PTPRS: variants seen among roughly 807,000 people sequenced by gnomAD.
The protein encoded by PTPRS is protein tyrosine phosphatase receptor type S.
Under a neutral mutation model 215.3 loss-of-function variants are expected in PTPRS, and 63 were observed. That is an observed-to-expected ratio of 0.29 (90% confidence interval 0.24 to 0.36). PTPRS has a LOEUF of 0.36. PTPRS is among the 10% of genes least tolerant of loss of function. The probability of loss-of-function intolerance (pLI) is 1.00; values close to 1 mark genes in which losing one functional copy is unlikely to be tolerated. For missense variants in PTPRS, 2,258 were observed against 2,825.8 expected (o/e 0.80, Z 4.56); for synonymous variants, 1,404 against 1,191.4 (o/e 1.18, Z -3.68).
chr19:5,236,251 C>A (rs1032379554), intron 13 of PTPRS, among the ~76,000 whole-genome samples: 2 of 152,126 alleles, frequency 1.3e-5, no homozygotes, highest in Non-Finnish European at 2.9e-5. Flanking sequence ...GAAGTGCAGC[C>A]CATTTTACAG....
chr19:5,299,957 T>C (rs985461248), intron 1 of PTPRS, among the ~76,000 whole-genome samples: 1 of 150,976 alleles, frequency 6.6e-6, no homozygotes, highest in Non-Finnish European at 1.5e-5. Flanking sequence ...AAAAATTAAA[T>C]AGGCCGGGTG....
At chr19:5,260,723 GGGGCAGGCCCTGTGGAGCCTGA>G in intron 7 of PTPRS, 60 bp downstream of exon 7, 1 of 1,528,836 alleles carries the variant, frequency 6.5e-7, no homozygotes, top group Non-Finnish European at 9.1e-7. Context: ...AGGGGGCCTG[GGGGCAGGCCCTGTGGAGCCTGA>G]GGGGCTGAGT....
intron 4 of PTPRS, among the ~76,000 whole-genome samples, chr19:5,272,274 C>A (rs370269442): frequency 6.6e-6 from 1 of 152,052 alleles, no homozygotes; most frequent in Non-Finnish European, 1.5e-5. Flanking sequence ...ACTCAGACAG[C>A]CCCCTATAAA....
chr19:5,206,909 C>T, intron 37 of PTPRS, 67 bp from the exon 38 acceptor site: 3 of 1,482,042 alleles, frequency 2.0e-6, no homozygotes, highest in Non-Finnish European at 2.8e-6. Flanking sequence ...TCCCTATCGC[C>T]CTCAGGAGCA....
intron 13 of PTPRS, among the ~76,000 whole-genome samples, chr19:5,236,863 A>AAC (rs1555768322): frequency 2.0e-5 from 3 of 150,392 alleles, no homozygotes; most frequent in South Asian, 2.1e-4. Context: ...AAAAAAAAAA[A>AAC]AACAACAATC....
intron 1 of PTPRS, among the ~76,000 whole-genome samples, chr19:5,298,838 T>G (rs1185888316): frequency 6.6e-6 from 1 of 152,172 alleles, no homozygotes; most frequent in Non-Finnish European, 1.5e-5. Flanking sequence ...CTCCCATGTC[T>G]TCCCCAACTC....
intron 20 of PTPRS, among the ~76,000 whole-genome samples, chr19:5,220,644 T>C (rs1034272435): frequency 2.0e-5 from 3 of 152,180 alleles, no homozygotes; most frequent in South Asian, 4.1e-4. Flanking sequence ...TTGTAGCCCT[T>C]AAATCTTCTC....
chr19:5,229,638 G>A lies in PTPRS; in HGVS notation c.2202C>T (p.Ala734=), dbSNP rs2042845154. ...AGCGCCACAGCACGCGGATGGCCGT[G>A]GCGTTGAGCGCCTCCGCCTCCACCT... is the stretch of plus-strand genomic sequence containing the variant. ...PRKVEAEALN[A]TAIRVLWRSP... is the part of the protein sequence containing the mutation. Residue 734 remains alanine (A), a synonymous_variant, in exon 15 of 38, where the codon GCC becomes GCT. Transcript: ENST00000262963. 3.0e-6 allele frequency: 4 copies of A among 1,342,122 alleles called. No individual in the cohort carries two copies. The highest frequency in any genetic ancestry group is 3.8e-6 in the Non-Finnish European group (4 of 1,052,338). The allele number at this position is 1,342,122 out of a possible 1,614,324, so 83.1% of individuals were successfully genotyped here.
intron 7 of PTPRS, among the ~76,000 whole-genome samples, chr19:5,260,468 C>CCG (rs1389564465): frequency 1.3e-5 from 2 of 152,214 alleles, no homozygotes; most frequent in Non-Finnish European, 2.9e-5. Context: ...GCGTGAACCA[C>CCG]CGCGCCCGGC....
At chr19:5,302,371 A>G (rs1047683202) in intron 1 of PTPRS, among the ~76,000 whole-genome samples, 22 of 152,100 alleles carry the variant, frequency 1.4e-4, no homozygotes, top group African/African-American at 5.1e-4. Flanking sequence ...TCTAGAAACA[A>G]CAACTTTCAT....
chr19:5,214,321 T>C, intron 30 of PTPRS, 40 bp downstream of exon 30: 1 of 1,613,356 alleles, frequency 6.2e-7, no homozygotes, highest in Middle Eastern at 1.7e-4. Flanking sequence ...TTCCAACACA[T>C]TCCTCCACCC....
Position 5,318,087 on chromosome 19 carries a change from C to T in PTPRS, c.-95+22577G>A, listed in dbSNP as rs375484341. ...TCAGGAGGCTGAGGCAGGAGAGTGA[C>T]GTGAACCTAGGAGGTGGAGGTTGCA... On this transcript the variant is annotated intron_variant, in intron 1 of 37. Transcript: ENST00000262963. 1.3e-3 allele frequency among the ~76,000 whole-genome samples: 198 copies of T among 151,930 alleles called. 3 individuals carry two copies. Among genetic ancestry groups the T allele is most frequent in the South Asian group, 4.2e-4 (2 of 4,814 alleles).
Position 5,231,314 on chromosome 19 carries a change from C to T in PTPRS, c.2151G>A (p.Glu717=). 5 of 1,605,002 alleles carry T rather than the reference C, an allele frequency of 3.1e-6. No homozygotes were observed. Among genetic ancestry groups the T allele is most frequent in the Non-Finnish European group, 4.2e-6 (5 of 1,178,306 alleles). ...ESSPVVVRTD[E]DVPSAPPRKV... ...GGGCCTGGGGCAGGTACTTACCATC[C>T]TCGTCGGTGCGGACGACCACGGGCG... The change falls in exon 14 of 38, where the codon GAG becomes GAA. Residue 717 remains glutamate, a synonymous_variant. Coordinates refer to ENST00000262963, the MANE Select transcript of PTPRS (RefSeq NM_002850.4).
chr19:5,301,827 C>T (rs2049313525), intron 1 of PTPRS, among the ~76,000 whole-genome samples: 1 of 152,162 alleles, frequency 6.6e-6, no homozygotes, highest in African/African-American at 2.4e-5. Context: ...GTCGCTCAGG[C>T]TGGAGTGTAG....
intron 26 of PTPRS, 78 bp from the exon 27 acceptor site, chr19:5,215,673 CGTGT>C: frequency 9.8e-7 from 1 of 1,023,954 alleles, no homozygotes; most frequent in Non-Finnish European, 1.4e-6. Flanking sequence ...GGGTGATCTA[CGTGT>C]GAGTCTGCGA....
At chr19:5,249,931 T>A (rs925179471) in intron 9 of PTPRS, among the ~76,000 whole-genome samples, 1 of 152,220 alleles carries the variant, frequency 6.6e-6, no homozygotes, top group Non-Finnish European at 1.5e-5. Context: ...TATCTCTCCA[T>A]AGGGATGTCA....
intron 1 of PTPRS, among the ~76,000 whole-genome samples, chr19:5,328,891 G>A (rs774476750): frequency 2.0e-5 from 3 of 152,150 alleles, no homozygotes; most frequent in Non-Finnish European, 4.4e-5. Context: ...AGGACCAGGG[G>A]GCTCTTGCTG....
rs1296988917 is a variant in PTPRS at position 5,223,102 on chromosome 19, T to C, written c.2690A>G (p.Lys897Arg). 2.6e-6 allele frequency: 4 copies of C among 1,565,692 alleles called. No individual in the cohort carries two copies. In the African/African-American group the frequency reaches 4.1e-5, roughly 16 times the overall value. Residue 897 changes from lysine to arginine, a missense_variant, in exon 18 of 38, where the codon AAG becomes AGG. By Grantham distance (26) the Lys-to-Arg change is conservative (BLOSUM62 2). Transcript: ENST00000262963. ...EDRYTASGVH[K>R]GATYVFRLAA... is the part of the protein sequence containing the mutation. ...AAGCCGGAACACATACGTGGCCCCC[T>C]TGTGCACGCCTGATGCCGTGTAGCG...
At chr19:5,222,461 G>A (rs190130222) in intron 18 of PTPRS, among the ~76,000 whole-genome samples, 5,888 of 148,030 alleles carry the variant, frequency 0.04, 413 homozygotes, top group African/African-American at 0.14. Context: ...GGAGGAGGAA[G>A]AGGGGGGAGG....
Sources: allele counts gnomAD v4.1 joint callset (sites outside exome capture counted in the v4.1 genomes callset), GRCh38; gene constraint gnomAD v4.1.1; transcripts MANE v1.5; gene names NCBI Gene and HGNC (gene_info 2026-07-23, HGNC 2026-07-21).